The following BLTP1 variants were observed in gnomAD, a reference collection of about 807,000 sequenced individuals.
The protein encoded by BLTP1 is fragile site-associated protein.
chr4:122,319,252 T>A, the BLTP1 span, among the ~76,000 whole-genome samples: 142 of 152,144 alleles, frequency 9.3e-4, no homozygotes, highest in African/African-American at 3.3e-3. Flanking sequence ...ACTTTTCTTA[T>A]GCTTAATTTG....
the BLTP1 span, chr4:122,152,431 G>T: frequency 4.1e-6 from 4 of 985,670 alleles, no homozygotes; most frequent in Non-Finnish European, 4.8e-6. Context: ...GCGGCCCCGG[G>T]CGGCGGGGCT....
the BLTP1 span, chr4:122,173,124 A>T: frequency 5.0e-6 from 8 of 1,611,724 alleles, no homozygotes; most frequent in Non-Finnish European, 1.7e-6. Flanking sequence ...TTCTTAACAG[A>T]TTATACAAGC....
chr4:122,198,202 G>A, the BLTP1 span: 52 of 972,988 alleles, frequency 5.3e-5, no homozygotes, highest in African/African-American at 1.8e-5. Context: ...ATGGCATAGT[G>A]TATCTTTTCC....
the BLTP1 span, among the ~76,000 whole-genome samples, chr4:122,323,369 A>G: frequency 6.6e-6 from 1 of 152,104 alleles, no homozygotes; most frequent in African/African-American, 2.4e-5. Context: ...CTGAAAACAA[A>G]GTCTAAAAAC....
At chr4:122,331,217 A>G in the BLTP1 span, 3 of 1,439,882 alleles carry the variant, frequency 2.1e-6, no homozygotes, top group Non-Finnish European at 2.7e-6. Flanking sequence ...AATTTACAAA[A>G]TAGTAAAATT....
chr4:122,338,832 T>C, the BLTP1 span, among the ~76,000 whole-genome samples: 3 of 152,206 alleles, frequency 2.0e-5, no homozygotes, highest in African/African-American at 7.2e-5. Flanking sequence ...ACTGTCTTAT[T>C]GTTCTGAGAT....
At chr4:122,304,686 A>G in the BLTP1 span, 3 of 1,470,052 alleles carry the variant, frequency 2.0e-6, no homozygotes, top group East Asian at 2.4e-5. Flanking sequence ...ATGCCTGTTC[A>G]TGGTTTAAAA....
the BLTP1 span, chr4:122,305,893 G>T: frequency 1.9e-6 from 3 of 1,593,196 alleles, no homozygotes; most frequent in South Asian, 3.4e-5. Context: ...GAGGAAGCTG[G>T]TTCTGATTTT....
At chr4:122,175,026 A>G in the BLTP1 span, 1 of 941,030 alleles carries the variant, frequency 1.1e-6, no homozygotes, top group Non-Finnish European at 1.3e-6. Context: ...AAGTTTATAG[A>G]ATTGTTTAGC....
chr4:122,285,097 A>G, the BLTP1 span, among the ~76,000 whole-genome samples: 1 of 152,176 alleles, frequency 6.6e-6, no homozygotes, highest in East Asian at 1.9e-4. Flanking sequence ...TAAGTTACAC[A>G]CATTTGGTCA....
At chr4:122,155,324 ATTT>A in the BLTP1 span, among the ~76,000 whole-genome samples, 1 of 141,756 alleles carries the variant, frequency 7.1e-6, no homozygotes, top group African/African-American at 2.6e-5. Context: ...GGAAGCTAGG[ATTT>A]TTTTTTTTTT....
At chr4:122,184,857 C>G in the BLTP1 span, 80 of 984,788 alleles carry the variant, frequency 8.1e-5, no homozygotes, top group Admixed American at 4.3e-4. Context: ...ATCTAATGAA[C>G]AGCTGCTCTA....
the BLTP1 span, chr4:122,276,159 T>C: frequency 1.4e-6 from 1 of 691,926 alleles, no homozygotes; most frequent in African/African-American, 1.9e-5. Flanking sequence ...TTTTATATAA[T>C]AGATTAAAGC....
the BLTP1 span, chr4:122,152,536 C>T: frequency 1.0e-6 from 1 of 985,860 alleles, no homozygotes; most frequent in Non-Finnish European, 1.2e-6. Flanking sequence ...CCTCGGCGTT[C>T]CCCGGAGAGA....
At chr4:122,250,621 C>T in the BLTP1 span, 6 of 1,551,662 alleles carry the variant, frequency 3.9e-6, no homozygotes, top group Non-Finnish European at 5.3e-6. Context: ...AGAAAAATAA[C>T]AAAGAAAACT....
the BLTP1 span, chr4:122,248,140 G>A: frequency 2.0e-6 from 2 of 984,166 alleles, no homozygotes; most frequent in African/African-American, 1.8e-5. Flanking sequence ...TTCATCCCAG[G>A]TGTGAGGCTG....
At chr4:122,280,656 T>A in the BLTP1 span, among the ~76,000 whole-genome samples, 6 of 141,258 alleles carry the variant, frequency 4.2e-5, no homozygotes, top group African/African-American at 8.0e-5. Context: ...ACAGCGAAAT[T>A]CCATCTAAAA....
the BLTP1 span, chr4:122,258,658 G>A: frequency 1.3e-6 from 2 of 1,561,844 alleles, no homozygotes; most frequent in Non-Finnish European, 8.7e-7. Context: ...TCATGAAAAT[G>A]TGTGATAATC....
the BLTP1 span, chr4:122,176,027 C>CA: frequency 4.9e-6 from 3 of 612,736 alleles, no homozygotes; most frequent in Non-Finnish European, 5.9e-6. Context: ...TTAGGCCAGT[C>CA]ACGGTGGCTT....
Sources: allele counts gnomAD v4.1 joint callset (sites outside exome capture counted in the v4.1 genomes callset), GRCh38; gene constraint gnomAD v4.1.1; transcripts MANE v1.5; gene names NCBI Gene and HGNC (gene_info 2026-07-23, HGNC 2026-07-21).